GLIS3: variants seen among roughly 807,000 people sequenced by gnomAD.
GLIS3 encodes the protein GLIS family zinc finger 3.
GLIS3 carries 53 observed loss-of-function variants against 78.6 expected under a neutral mutation model. That is an observed-to-expected ratio of 0.67 (90% CI 0.54 to 0.85). GLIS3 has a LOEUF of 0.85. Ranked by LOEUF, GLIS3 falls within the 40% of genes least tolerant of loss-of-function variation. The probability of loss-of-function intolerance (pLI) is 0.00; values close to 1 mark genes in which losing one functional copy is unlikely to be tolerated. For missense variants in GLIS3, 1,703 were observed against 1,231.1 expected (o/e 1.38, Z -5.74); for synonymous variants, 684 against 509.9 (o/e 1.34, Z -4.60).
chr9:3,983,061 C>T (rs980789683), intron 4 of GLIS3, among the ~76,000 whole-genome samples: 5 of 152,190 alleles, frequency 3.3e-5, no homozygotes, highest in South Asian at 2.1e-4. Flanking sequence ...CCACCCAAAT[C>T]TCATCTTGAA....
intron 2 of GLIS3, among the ~76,000 whole-genome samples, chr9:4,178,174 A>G (rs976897103): frequency 1.3e-5 from 2 of 152,194 alleles, no homozygotes; most frequent in African/African-American, 4.8e-5. Context: ...TGCATAATGC[A>G]GGCTGGGTAG....
At chr9:3,875,782 C>T (rs745633284) in intron 8 of GLIS3, among the ~76,000 whole-genome samples, 1 of 152,146 alleles carries the variant, frequency 6.6e-6, no homozygotes, top group Non-Finnish European at 1.5e-5. Context: ...GGATGGGGCA[C>T]ACGTCCAGTA....
intron 2 of GLIS3, among the ~76,000 whole-genome samples, chr9:4,150,584 C>T (rs1020313871): frequency 2.0e-5 from 3 of 152,134 alleles, no homozygotes; most frequent in Non-Finnish European, 2.9e-5. Context: ...CATCAGAAAA[C>T]CTTTACTCTC....
At chr9:4,483,272 G>A in the GLIS3 span, among the ~76,000 whole-genome samples, 106 of 152,312 alleles carry the variant, frequency 7.0e-4, 1 homozygote, top group Admixed American at 3.1e-3. Context: ...CCACTGCCGC[G>A]TGAAATGTAT....
At chr9:4,176,097 G>A (rs1333355672) in intron 2 of GLIS3, among the ~76,000 whole-genome samples, 1 of 152,128 alleles carries the variant, frequency 6.6e-6, no homozygotes, top group African/African-American at 2.4e-5. Context: ...ACCATGCAGT[G>A]AAAGGCAGGC....
At chr9:3,861,700 C>A (rs1016535157) in intron 8 of GLIS3, among the ~76,000 whole-genome samples, 5 of 152,176 alleles carry the variant, frequency 3.3e-5, no homozygotes, top group African/African-American at 1.2e-4. Flanking sequence ...AAACCAAACA[C>A]TGAATGTTCT....
At chr9:4,416,825 T>TTG in the GLIS3 span, among the ~76,000 whole-genome samples, 2 of 148,988 alleles carry the variant, frequency 1.3e-5, no homozygotes, top group Non-Finnish European at 3.0e-5. Flanking sequence ...TTTTTTTTTT[T>TTG]TTTTTTTTTT....
At chr9:3,993,254 T>G (rs1400421401) in intron 4 of GLIS3, among the ~76,000 whole-genome samples, 1 of 152,194 alleles carries the variant, frequency 6.6e-6, no homozygotes, top group Non-Finnish European at 1.5e-5. Flanking sequence ...AGGATCTCTT[T>G]GTACTGCTGC....
intron 5 of GLIS3, 38 bp downstream of exon 5, chr9:3,936,990 C>A (rs545289385): frequency 6.2e-7 from 1 of 1,611,684 alleles, no homozygotes; most frequent in Non-Finnish European, 8.5e-7. Flanking sequence ...TCACACCAGG[C>A]GCTGGGTTGG....
chr9:4,185,915 G>A (rs1236781154), intron 2 of GLIS3, among the ~76,000 whole-genome samples: 2 of 152,144 alleles, frequency 1.3e-5, no homozygotes, highest in East Asian at 1.9e-4. Flanking sequence ...AAGAGAGCGA[G>A]GTGGAAAATG....
intron 7 of GLIS3, among the ~76,000 whole-genome samples, chr9:3,889,517 A>G (rs183852637): frequency 2.6e-4 from 40 of 152,342 alleles, no homozygotes; most frequent in African/African-American, 9.4e-4. Context: ...GGGGATCAAT[A>G]AAATGATAAA....
At chr9:4,073,713 C>T (rs1284428875) in intron 4 of GLIS3, among the ~76,000 whole-genome samples, 6 of 152,210 alleles carry the variant, frequency 3.9e-5, no homozygotes, top group Admixed American at 2.6e-4. Context: ...TACCTGAATT[C>T]AAACGCTTGC....
chr9:4,024,430 G>C (rs985762590), intron 4 of GLIS3, among the ~76,000 whole-genome samples: 2 of 152,140 alleles, frequency 1.3e-5, no homozygotes, highest in African/African-American at 4.8e-5. Context: ...TCTTGAATCA[G>C]CCCCATTAGT....
chr9:4,159,548 G>A (rs988270551), intron 2 of GLIS3, among the ~76,000 whole-genome samples: 14 of 151,944 alleles, frequency 9.2e-5, no homozygotes, highest in African/African-American at 2.7e-4. Flanking sequence ...GTGAAACCCC[G>A]TCTCTACTAA....
the GLIS3 span, among the ~76,000 whole-genome samples, chr9:4,418,126 T>G: frequency 2.0e-5 from 3 of 152,216 alleles, no homozygotes; most frequent in African/African-American, 7.2e-5. Context: ...CTTAATCTTT[T>G]TACTGAGACT....
At chr9:4,295,456 G>A (rs1324632077) in intron 1 of GLIS3, among the ~76,000 whole-genome samples, 1 of 152,134 alleles carries the variant, frequency 6.6e-6, no homozygotes, top group African/African-American at 2.4e-5. Context: ...ATCTTTAAAG[G>A]GGGAGTCCAA....
At chr9:3,969,007 T>C (rs1317256075) in intron 4 of GLIS3, among the ~76,000 whole-genome samples, 2 of 152,336 alleles carry the variant, frequency 1.3e-5, no homozygotes, top group South Asian at 2.1e-4. Flanking sequence ...CTTGGCTTTT[T>C]TTCCATTGTG....
intron 1 of GLIS3, 76 bp from the exon 2 acceptor site, chr9:4,286,599 T>C: frequency 1.3e-6 from 1 of 743,666 alleles, no homozygotes; most frequent in Non-Finnish European, 2.2e-6. Flanking sequence ...TCAACCTGTG[T>C]ATCATTCATA....
intron 4 of GLIS3, among the ~76,000 whole-genome samples, chr9:3,960,989 G>A (rs1817511013): frequency 6.6e-6 from 1 of 152,094 alleles, no homozygotes; most frequent in Non-Finnish European, 1.5e-5. Flanking sequence ...ATAAAGAATT[G>A]GGGAATTTTA....
Sources: gnomAD v4.1 joint callset for allele counts (sites outside exome capture counted in the v4.1 genomes callset) on GRCh38, gnomAD v4.1.1 for gene constraint, MANE v1.5 for transcripts, NCBI Gene and HGNC (gene_info 2026-07-23, HGNC 2026-07-21) for gene names.